The following TPTE variants were observed in gnomAD, a reference collection of about 807,000 sequenced individuals.
The protein encoded by TPTE is putative tyrosine-protein phosphatase TPTE.
TPTE carries 59 observed loss-of-function variants against 84.1 expected under a neutral mutation model. The ratio of observed to expected loss-of-function variants is 0.70; its 90% CI spans 0.57 to 0.87. TPTE has a LOEUF of 0.87. TPTE is among the 40% of genes least tolerant of loss of function. The pLI, the probability that TPTE is intolerant of heterozygous loss-of-function variation, is 0.00. For synonymous variants in TPTE, 130 were observed against 223.5 expected (o/e 0.58, Z 3.73); for missense variants, 382 against 659.6 (o/e 0.58, Z 4.61).
intron 3 of TPTE, among the ~76,000 whole-genome samples, chr21:10,531,093 A>G (rs1280127671): frequency 6.6e-6 from 1 of 152,306 alleles, no homozygotes; most frequent in East Asian, 1.9e-4. Flanking sequence ...ATTATGTTTA[A>G]TTTTCAAAGT....
intron 17 of TPTE, among the ~76,000 whole-genome samples, chr21:10,589,552 TC>T (rs1255122693): frequency 3.9e-5 from 6 of 152,306 alleles, no homozygotes; most frequent in Non-Finnish European, 8.8e-5. Context: ...CTGCTCCCAG[TC>T]CAGGTTTGGG....
intron 8 of TPTE, among the ~76,000 whole-genome samples, chr21:10,558,715 C>G (rs1488811688): frequency 2.0e-5 from 3 of 152,138 alleles, no homozygotes; most frequent in African/African-American, 7.2e-5. Context: ...TTCAGTATGA[C>G]AGAAACTTCC....
intron 19 of TPTE, among the ~76,000 whole-genome samples, chr21:10,594,665 C>G (rs933780442): frequency 6.6e-6 from 1 of 152,312 alleles, no homozygotes; most frequent in Non-Finnish European, 1.5e-5. Context: ...ACACATCTCC[C>G]CATCCCCATT....
chr21:10,524,095 C>T (rs566263181), intron 1 of TPTE, among the ~76,000 whole-genome samples: 5 of 152,304 alleles, frequency 3.3e-5, no homozygotes, highest in Admixed American at 2.6e-4. Context: ...TTGGGGTTGC[C>T]GTGGACACAG....
chr21:10,536,634 T>G (rs1568955875), intron 3 of TPTE, among the ~76,000 whole-genome samples: 1 of 152,310 alleles, frequency 6.6e-6, no homozygotes. Flanking sequence ...AGATGAAGAT[T>G]ATGTGCTTGC....
chr21:10,562,382 A>G (rs547414128), intron 10 of TPTE, among the ~76,000 whole-genome samples: 2 of 152,430 alleles, frequency 1.3e-5, no homozygotes, highest in South Asian at 2.1e-4. Flanking sequence ...AACACTATCC[A>G]GGAAAACATG....
chr21:10,594,000 G>A (rs2075534166), intron 19 of TPTE, among the ~76,000 whole-genome samples: 1 of 152,310 alleles, frequency 6.6e-6, no homozygotes, highest in Non-Finnish European at 1.5e-5. Context: ...TAGACTCTAA[G>A]CTAAAAGTGA....
intron 4 of TPTE, among the ~76,000 whole-genome samples, chr21:10,539,307 A>G (rs469958): frequency 0.11 from 15,970 of 146,706 alleles, 6 homozygotes; most frequent in African/African-American, 0.29. Flanking sequence ...CTCTGTCAAC[A>G]TATGAGGTTG....
intron 1 of TPTE, among the ~76,000 whole-genome samples, chr21:10,524,114 C>A (rs1462645771): frequency 1.3e-5 from 2 of 152,430 alleles, no homozygotes; most frequent in Admixed American, 6.5e-5. Context: ...AGAGTTCTTA[C>A]TACAGAACTG....
chr21:10,538,637 GA>G, intron 3 of TPTE, 43 bp from the exon 4 acceptor site: 1 of 1,613,480 alleles, frequency 6.2e-7, no homozygotes, highest in Admixed American at 1.7e-5. Context: ...AGTAAATTTT[GA>G]ATTGTGTCTC....
intron 7 of TPTE, among the ~76,000 whole-genome samples, chr21:10,544,974 AAAATT>A (rs2074437811): frequency 6.6e-6 from 1 of 152,286 alleles, no homozygotes; most frequent in African/African-American, 2.4e-5. Flanking sequence ...TTTCCAGAGA[AAAATT>A]AAATACCATG....
chr21:10,542,459 A>C lies in TPTE; in HGVS notation c.119+11A>C. 1 of 1,610,430 alleles carries C rather than the reference A, an allele frequency of 6.2e-7. No individual in the cohort carries two copies. Among genetic ancestry groups the C allele is most frequent in the East Asian group, 2.2e-5 (1 of 44,776 alleles). ...ACCTGCGAAAGAAAGGTGAGCAATA[A>C]ATAGTTAAAGTCACCCGTCAGCATA... On this transcript the variant is annotated intron_variant, in intron 6 of 23. Transcript: ENST00000618007.
chr21:10,542,563 TCATCCATCCATCCATC>T (rs1242680334), intron 6 of TPTE, 115 bp downstream of exon 6: 14 of 822,034 alleles, frequency 1.7e-5, no homozygotes, highest in Non-Finnish European at 1.4e-5. Context: ...ATCCATCCAT[TCATCCATCCATCCATC>T]CATCCATCCA....
intron 7 of TPTE, among the ~76,000 whole-genome samples, chr21:10,546,963 A>G (rs1258767904): frequency 6.6e-6 from 1 of 152,310 alleles, no homozygotes; most frequent in Non-Finnish European, 1.5e-5. Context: ...AAACTAAACA[A>G]CACATTTTCA....
intron 11 of TPTE, among the ~76,000 whole-genome samples, chr21:10,569,185 A>C (rs1478538318): frequency 6.6e-6 from 1 of 152,312 alleles, no homozygotes; most frequent in Non-Finnish European, 1.5e-5. Flanking sequence ...AGTTATATTA[A>C]TTGTAGGGTG....
chr21:10,600,001 T>G (rs553703532), intron 21 of TPTE, among the ~76,000 whole-genome samples: 1 of 152,428 alleles, frequency 6.6e-6, no homozygotes, highest in South Asian at 2.1e-4. Flanking sequence ...GGCTGGGACT[T>G]GCTATGTTGC....
chr21:10,547,275 A>G (rs1286261481), intron 7 of TPTE, among the ~76,000 whole-genome samples: 1 of 152,310 alleles, frequency 6.6e-6, no homozygotes, highest in Non-Finnish European at 1.5e-5. Flanking sequence ...TAGAGTATCA[A>G]AGGGATAGTC....
intron 19 of TPTE, among the ~76,000 whole-genome samples, chr21:10,595,318 C>T (rs1292195247): frequency 6.6e-6 from 1 of 152,310 alleles, no homozygotes; most frequent in Admixed American, 6.5e-5. Context: ...GCTGGGATTA[C>T]AGGCGGGAGC....
chr21:10,573,529 T>A (rs1228144550), intron 14 of TPTE, among the ~76,000 whole-genome samples: 1 of 152,308 alleles, frequency 6.6e-6, no homozygotes, highest in African/African-American at 2.4e-5. Context: ...GTGACTACAG[T>A]TAACAATAAT....
Sources: allele counts gnomAD v4.1 joint callset (sites outside exome capture counted in the v4.1 genomes callset), GRCh38; gene constraint gnomAD v4.1.1; transcripts MANE v1.5; gene names NCBI Gene and HGNC (gene_info 2026-07-23, HGNC 2026-07-21).